The following NCKAP5 variants were observed in gnomAD, a reference collection of about 807,000 sequenced individuals.
NCKAP5 encodes NCK associated protein 5, also known as nck-associated protein 5.
In NCKAP5, 92 loss-of-function variants were observed where a neutral mutation model predicts 167.0. That is an observed-to-expected ratio of 0.55 (90% CI 0.47 to 0.66). The LOEUF (loss-of-function observed/expected upper bound fraction) is 0.66. NCKAP5 is among the 30% of genes least tolerant of loss of function. The pLI, the probability that NCKAP5 is intolerant of heterozygous loss-of-function variation, is 0.00. For synonymous variants in NCKAP5, 891 were observed against 877.4 expected (o/e 1.02, Z -0.27); for missense variants, 2,378 against 2,315.0 (o/e 1.03, Z -0.56).
chr2:133,653,825 A>G, the NCKAP5 span, among the ~76,000 whole-genome samples: 1 of 152,222 alleles, frequency 6.6e-6, no homozygotes, highest in Non-Finnish European at 1.5e-5. Flanking sequence ...TTGTCTACGG[A>G]GAAAAACAGA....
intron 6 of NCKAP5, among the ~76,000 whole-genome samples, chr2:133,020,839 A>T (rs1473966994): frequency 6.6e-6 from 1 of 152,172 alleles, no homozygotes; most frequent in Non-Finnish European, 1.5e-5. Flanking sequence ...AAGGTGGAGA[A>T]GCAATCACCA....
chr2:133,411,472 A>G (rs576255844), intron 3 of NCKAP5, among the ~76,000 whole-genome samples: 27 of 152,320 alleles, frequency 1.8e-4, no homozygotes, highest in African/African-American at 6.0e-4. Context: ...CAGCAGGACA[A>G]GGAATCACCG....
chr2:132,698,056 A>T (rs1305543256), intron 19 of NCKAP5, among the ~76,000 whole-genome samples: 1 of 152,156 alleles, frequency 6.6e-6, no homozygotes, highest in Non-Finnish European at 1.5e-5. Flanking sequence ...CTTCTGCGCT[A>T]TTCACTGGCA....
chr2:133,129,345 A>G (rs6430394), intron 6 of NCKAP5, among the ~76,000 whole-genome samples: 52,449 of 151,064 alleles, frequency 0.35, 9,051 homozygotes, highest in East Asian at 0.39. Flanking sequence ...AACATGTGGT[A>G]TTTGGTTTTT....
chr2:133,222,750 T>C (rs2086710531), intron 4 of NCKAP5, among the ~76,000 whole-genome samples: 1 of 152,196 alleles, frequency 6.6e-6, no homozygotes, highest in Non-Finnish European at 1.5e-5. Flanking sequence ...TCATGCAGAC[T>C]GGAAAGCATG....
chr2:133,491,070 C>T (rs998551159), intron 3 of NCKAP5, among the ~76,000 whole-genome samples: 2 of 152,170 alleles, frequency 1.3e-5, no homozygotes, highest in African/African-American at 4.8e-5. Context: ...GAGAAATTCT[C>T]AAAGTGATCT....
chr2:132,796,572 G>T, intron 12 of NCKAP5, 56 bp downstream of exon 12: 1 of 1,260,508 alleles, frequency 7.9e-7, no homozygotes, highest in Non-Finnish European at 1.1e-6. Flanking sequence ...CATCATATTT[G>T]ATGGAAGGAA....
intron 6 of NCKAP5, among the ~76,000 whole-genome samples, chr2:133,035,917 T>G (rs2079025991): frequency 6.6e-6 from 1 of 151,686 alleles, no homozygotes; most frequent in Non-Finnish European, 1.5e-5. Flanking sequence ...TTAAACAAAA[T>G]TGACAAACCT....
At chr2:132,816,383 G>A (rs2105294633) in intron 11 of NCKAP5, among the ~76,000 whole-genome samples, 1 of 152,182 alleles carries the variant, frequency 6.6e-6, no homozygotes, top group Admixed American at 6.5e-5. Context: ...GGTTCGTTTT[G>A]CCAATGCTGA....
intron 8 of NCKAP5, among the ~76,000 whole-genome samples, chr2:132,949,239 T>C (rs1366353537): frequency 6.6e-6 from 1 of 152,164 alleles, no homozygotes; most frequent in Non-Finnish European, 1.5e-5. Context: ...TTCCGTATTC[T>C]GAGGCTTTGA....
At chr2:133,501,621 A>G (rs1682523156) in intron 3 of NCKAP5, among the ~76,000 whole-genome samples, 1 of 152,224 alleles carries the variant, frequency 6.6e-6, no homozygotes, top group South Asian at 2.1e-4. Flanking sequence ...ACTCAAAATT[A>G]AAGTCGTGTT....
the NCKAP5 span, among the ~76,000 whole-genome samples, chr2:133,642,274 G>GT: frequency 6.6e-6 from 1 of 152,112 alleles, no homozygotes; most frequent in Non-Finnish European, 1.5e-5. Flanking sequence ...ACACCCCCCA[G>GT]TAGGCACCAC....
At chr2:132,945,279 G>A (rs1697617756) in intron 8 of NCKAP5, among the ~76,000 whole-genome samples, 1 of 151,452 alleles carries the variant, frequency 6.6e-6, no homozygotes. Context: ...ACCTGCTAAG[G>A]TGAGGCGGGG....
rs1392177118 is a variant in NCKAP5 at position 132,979,036 on chromosome 2, A to G, written c.429+15116T>C. Among the ~76,000 whole-genome samples the G allele has an allele frequency of 2.0e-5, 3 of 152,308 alleles. No individual in the cohort carries two copies. In the East Asian group the frequency reaches 5.8e-4, roughly 29 times the overall value. On this transcript the variant is annotated intron_variant, in intron 7 of 19. Transcript: ENST00000409261. ...GAACTTGTGGGGCTGAGAAGGGTTC[A>G]CTGTGAGAATCAGCCCTGCGGCCTC... is the stretch of plus-strand genomic sequence containing the variant.
chr2:133,658,802 C>A, the NCKAP5 span, among the ~76,000 whole-genome samples: 1 of 152,100 alleles, frequency 6.6e-6, no homozygotes, highest in African/African-American at 2.4e-5. Flanking sequence ...TCCCCAATAT[C>A]CTGCTGATTC....
intron 3 of NCKAP5, among the ~76,000 whole-genome samples, chr2:133,388,407 T>C (rs1378421195): frequency 6.6e-6 from 1 of 152,178 alleles, no homozygotes; most frequent in East Asian, 1.9e-4. Context: ...GGAGGTTTCG[T>C]CTCAGAGGGG....
chr2:133,644,664 G>A, the NCKAP5 span, among the ~76,000 whole-genome samples: 3 of 151,776 alleles, frequency 2.0e-5, no homozygotes, highest in African/African-American at 7.3e-5. Context: ...TTTAATTTTT[G>A]GGTTATTTAA....
At chr2:133,545,180 A>G (rs1686550480) in intron 2 of NCKAP5, among the ~76,000 whole-genome samples, 1 of 152,176 alleles carries the variant, frequency 6.6e-6, no homozygotes, top group South Asian at 2.1e-4. Flanking sequence ...AGCTACAATC[A>G]GTTTTTTCTT....
chr2:133,038,512 T>C (rs1038721635), intron 6 of NCKAP5, among the ~76,000 whole-genome samples: 3 of 152,046 alleles, frequency 2.0e-5, no homozygotes, highest in African/African-American at 4.8e-5. Flanking sequence ...ATGGTTAACA[T>C]GGGTACAAAA....
Sources: allele counts gnomAD v4.1 joint callset (sites outside exome capture counted in the v4.1 genomes callset), GRCh38; gene constraint gnomAD v4.1.1; transcripts MANE v1.5; gene names NCBI Gene and HGNC (gene_info 2026-07-23, HGNC 2026-07-21).